NFATC1: variants seen among roughly 807,000 people sequenced by gnomAD.
NFATC1 encodes nuclear factor of activated T-cells, cytoplasmic 1.
A neutral mutation model predicts 76.0 loss-of-function variants in NFATC1; 22 were observed. The observed-to-expected ratio is 0.29, with a 90% CI of 0.21 to 0.41. The LOEUF is 0.41. Ranked by LOEUF, NFATC1 falls within the 10% of genes least tolerant of loss-of-function variation. The pLI, the probability that NFATC1 is intolerant of heterozygous loss-of-function variation, is 1.00. For missense variants in NFATC1, 1,357 were observed against 1,337.7 expected (o/e 1.01, Z -0.23); for synonymous variants, 704 against 613.1 (o/e 1.15, Z -2.19).
chr18:79,406,856 G>A (rs556964393), intron 1 of NFATC1, among the ~76,000 whole-genome samples: 14 of 151,918 alleles, frequency 9.2e-5, no homozygotes, highest in Middle Eastern at 3.4e-3. Context: ...AGCCAGCCAC[G>A]GCTCCGCGGG....
intron 8 of NFATC1, among the ~76,000 whole-genome samples, chr18:79,475,492 C>T (rs951599483): frequency 7.3e-5 from 11 of 150,630 alleles, no homozygotes; most frequent in South Asian, 2.1e-4. Context: ...CGCTCACTGT[C>T]GACGTTGCGA....
chr18:79,435,337 T>TTTTTGG (rs1555905833), intron 3 of NFATC1, among the ~76,000 whole-genome samples: 13 of 125,474 alleles, frequency 1.0e-4, no homozygotes, highest in African/African-American at 1.7e-4. Context: ...GTTTGTTTTG[T>TTTTTGG]TTTTTGGTTT....
intron 6 of NFATC1, 125 bp from the exon 7 acceptor site, chr18:79,461,186 C>A: frequency 9.4e-7 from 1 of 1,062,478 alleles, no homozygotes; most frequent in Non-Finnish European, 1.4e-6. Context: ...GATGGGCCTA[C>A]GTGGGTCTCC....
rs756913636 is a variant in NFATC1, at chr18:79,486,934, G to A, written c.2779G>A (p.Asp927Asn). 6.3e-7 allele frequency: 1 copy of A among 1,590,380 alleles called. No homozygotes were observed. Among genetic ancestry groups the A allele is most frequent in the Admixed American group, 1.7e-5 (1 of 58,680 alleles). Residue 927 changes from aspartate (D) to asparagine (N), a missense_variant, in exon 9 of 10, where the codon GAC (aspartate) becomes AAC (asparagine). This residue lies in a region of NFATC1 where 424 missense variants were observed against 395.4 expected (regional missense o/e 1.07). Transcript: ENST00000427363. ...AGAGTTGGACCAGTTGTACCTGGAT[G>A]ACGGTGAGTGCCCGCAGCCATGCAG... ...PEELDQLYLD[D>N]VNEIIRNDLS... is the part of the protein sequence containing the mutation.
At chr18:79,408,507 C>A (rs1049394518) in intron 1 of NFATC1, among the ~76,000 whole-genome samples, 2 of 152,212 alleles carry the variant, frequency 1.3e-5, no homozygotes, top group Non-Finnish European at 2.9e-5. Flanking sequence ...TTAGGACTAG[C>A]TGTGTACCAG....
intron 9 of NFATC1, among the ~76,000 whole-genome samples, chr18:79,495,344 GA>G (rs1478930572): frequency 1.3e-5 from 2 of 152,232 alleles, no homozygotes; most frequent in Admixed American, 6.5e-5. Context: ...TGTGGACACA[GA>G]ATATTTTGAA....
chr18:79,490,090 C>CCCCCCCG (rs1555917337), intron 9 of NFATC1, among the ~76,000 whole-genome samples: 2 of 152,070 alleles, frequency 1.3e-5, no homozygotes, highest in Non-Finnish European at 2.9e-5. Context: ...GCCTGATCTC[C>CCCCCCCG]CCCCCGCCCC....
intron 8 of NFATC1, among the ~76,000 whole-genome samples, chr18:79,472,792 C>CTG (rs2088838430): frequency 6.6e-6 from 1 of 152,364 alleles, no homozygotes; most frequent in East Asian, 1.9e-4. Flanking sequence ...CTCCAAGCTC[C>CTG]TGACAACGTC....
At chr18:79,397,686 AC>A (rs1386332900) in intron 1 of NFATC1, among the ~76,000 whole-genome samples, 1 of 152,174 alleles carries the variant, frequency 6.6e-6, no homozygotes, top group Non-Finnish European at 1.5e-5. Context: ...TGGGACACTT[AC>A]GCCGCAGTGT....
intron 9 of NFATC1, among the ~76,000 whole-genome samples, chr18:79,499,868 C>G (rs1381400262): frequency 6.6e-6 from 1 of 152,092 alleles, no homozygotes; most frequent in Non-Finnish European, 1.5e-5. Context: ...AAAAATATTA[C>G]TAGAAACAAT....
chr18:79,424,661 CTCTCCA>C (rs1217086651), intron 2 of NFATC1, among the ~76,000 whole-genome samples: 1 of 148,968 alleles, frequency 6.7e-6, no homozygotes, highest in South Asian at 2.1e-4. Context: ...CCGTCTCTGT[CTCTCCA>C]TCTCTGTCTC....
chr18:79,403,046 T>C (rs904449111), intron 1 of NFATC1, among the ~76,000 whole-genome samples: 5 of 152,258 alleles, frequency 3.3e-5, no homozygotes, highest in Non-Finnish European at 5.9e-5. Context: ...AGGCAGTCTG[T>C]CAGCCGGATC....
At chr18:79,474,668 G>A (rs1266605735) in intron 8 of NFATC1, among the ~76,000 whole-genome samples, 1 of 145,016 alleles carries the variant, frequency 6.9e-6, no homozygotes, top group East Asian at 2.1e-4. Flanking sequence ...GTAAACCTGA[G>A]GGAAGCGTGT....
At chr18:79,480,614 G>A (rs1423693073) in intron 8 of NFATC1, among the ~76,000 whole-genome samples, 3 of 152,144 alleles carry the variant, frequency 2.0e-5, no homozygotes, top group African/African-American at 7.2e-5. Context: ...GTACCACCGC[G>A]GTTTTAAACG....
chr18:79,429,397 A>G (rs1450197834), intron 2 of NFATC1, among the ~76,000 whole-genome samples: 3 of 151,768 alleles, frequency 2.0e-5, no homozygotes, highest in Non-Finnish European at 4.4e-5. Context: ...AGTTGTGTTG[A>G]GTGTCACTTT....
intron 7 of NFATC1, among the ~76,000 whole-genome samples, chr18:79,462,780 C>T (rs1044907128): frequency 4.0e-5 from 6 of 151,642 alleles, no homozygotes; most frequent in South Asian, 2.1e-4. Context: ...TGTGTCCCTG[C>T]GGGTCAGGGA....
Position 79,520,090 on chromosome 18 carries a change from AG to A in NFATC1, c.2783-7437del, listed in dbSNP as rs1244544844. 1.1e-4 allele frequency among the ~76,000 whole-genome samples: 16 copies of A among 152,304 alleles called. 2 individuals are homozygous for A. The highest frequency in any genetic ancestry group is 3.6e-4 in the African/African-American group (15 of 41,574). On this transcript the variant is annotated intron_variant, in intron 9 of 9. Coordinates refer to ENST00000427363, the MANE Select transcript of NFATC1 (RefSeq NM_001278669.2). ...TCGGCAGGGGTGCCACTTGGAAGTC[AG>A]ATTTAAAATGGAATCAAAACTGGTA... is the stretch of plus-strand genomic sequence containing the variant.
intron 8 of NFATC1, among the ~76,000 whole-genome samples, chr18:79,479,166 G>T (rs555544961): frequency 1.4e-4 from 22 of 152,262 alleles, no homozygotes; most frequent in Admixed American, 2.6e-4. Flanking sequence ...GGTGATTGGT[G>T]TTTCTGTTGC....
chr18:79,425,389 C>T (rs112126815), intron 2 of NFATC1, among the ~76,000 whole-genome samples: 133 of 152,338 alleles, frequency 8.7e-4, no homozygotes, highest in African/African-American at 3.1e-3. Context: ...GCGGGAGGAC[C>T]CTGAAACCCT....
Sources: gnomAD v4.1 joint callset for allele counts (sites outside exome capture counted in the v4.1 genomes callset) on GRCh38, gnomAD v4.1.1 for gene constraint, gnomAD v4.1.1 regional missense constraint, MANE v1.5 for transcripts, NCBI Gene and HGNC (gene_info 2026-07-23, HGNC 2026-07-21) for gene names.